The following SLC7A9 variants were observed in gnomAD, a reference collection of about 807,000 sequenced individuals.
SLC7A9 encodes the protein solute carrier family 7 member 9, also known as B(0,+)-type amino acid transporter 1.
A neutral mutation model predicts 54.1 loss-of-function variants in SLC7A9; 38 were observed. The observed-to-expected ratio is 0.70, with a 90% CI of 0.54 to 0.92. The LOEUF is 0.92. Among genes scored for constraint, SLC7A9 ranks in the 40% least tolerant of loss-of-function variants. The pLI, the probability that SLC7A9 is intolerant of heterozygous loss-of-function variation, is 0.00. For synonymous variants in SLC7A9, 264 were observed against 258.9 expected (o/e 1.02, Z -0.19); for missense variants, 537 against 636.1 (o/e 0.84, Z 1.68).
intron 2 of SLC7A9, among the ~76,000 whole-genome samples, chr19:32,865,931 C>G (rs1968953758): frequency 6.8e-6 from 1 of 147,246 alleles, no homozygotes; most frequent in Non-Finnish European, 1.5e-5. Flanking sequence ...TACAATCACT[C>G]CAGCCTGGGT....
chr19:32,863,156 G>C (rs1189536574), intron 4 of SLC7A9: 1 of 152,612 alleles, frequency 6.6e-6, no homozygotes, highest in Non-Finnish European at 1.5e-5. Context: ...CTGTCGTCCA[G>C]GCTGGAGTGC....
intron 9 of SLC7A9, among the ~76,000 whole-genome samples, chr19:32,848,316 G>T (rs957988319): frequency 2.0e-5 from 3 of 152,150 alleles, no homozygotes; most frequent in Admixed American, 6.6e-5. Flanking sequence ...GACACTCATA[G>T]GCTCAAAATA....
chr19:32,860,313 T>G, intron 7 of SLC7A9: 1 of 1,384,150 alleles, frequency 7.2e-7, no homozygotes. Flanking sequence ...TCCCAGCACT[T>G]TGGGAGGCCG....
chr19:32,845,249 CT>C (rs1182838498), intron 9 of SLC7A9, among the ~76,000 whole-genome samples: 1 of 152,154 alleles, frequency 6.6e-6, no homozygotes, highest in African/African-American at 2.4e-5. Context: ...ACTCCCAGCA[CT>C]TTGGGAGGCC....
At chr19:32,860,775 T>G in intron 6 of SLC7A9, 125 bp from the exon 7 acceptor site, 6 of 1,332,890 alleles carry the variant, frequency 4.5e-6, no homozygotes, top group East Asian at 5.0e-5. Flanking sequence ...CCTGCAGGAA[T>G]TCCAGGTGAA....
intron 11 of SLC7A9, 97 bp from the exon 12 acceptor site, chr19:32,833,420 C>A (rs1967865992): frequency 1.0e-6 from 1 of 983,894 alleles, no homozygotes; most frequent in African/African-American, 1.6e-5. Flanking sequence ...ACTCCATGTA[C>A]CCCCTCCTCC....
At position 32,837,069 on chromosome 19, in the gene SLC7A9, T is replaced by C. The variant is rs1333025955; in HGVS notation, c.1225-3746A>G. On this transcript the variant is annotated intron_variant, in intron 11 of 12. Coordinates refer to ENST00000023064, the MANE Select transcript of SLC7A9 (RefSeq NM_014270.5). ...CATATAATGATAAGTCTGGTCTCCA[T>C]TCTCTCGTGTTGTTTTATCTTTCTG... 2.6e-5 allele frequency among the ~76,000 whole-genome samples: 4 copies of C among 152,190 alleles called. 1 individual carries two copies. Among genetic ancestry groups the C allele is most frequent in the African/African-American group, 9.7e-5 (4 of 41,446 alleles).
intron 10 of SLC7A9, among the ~76,000 whole-genome samples, chr19:32,843,453 T>C (rs1968185936): frequency 6.6e-6 from 1 of 151,182 alleles, no homozygotes; most frequent in Non-Finnish European, 1.5e-5. Flanking sequence ...AGAGCAAGAC[T>C]CCGTATCAAA....
chr19:32,844,899 T>C (rs912125577), intron 9 of SLC7A9, among the ~76,000 whole-genome samples: 5 of 123,710 alleles, frequency 4.0e-5, no homozygotes, highest in Non-Finnish European at 6.9e-5. Context: ...ATGTGATGGC[T>C]TACACCTGTA....
chr19:32,856,834 A>G (rs1254531534), intron 9 of SLC7A9, among the ~76,000 whole-genome samples: 1 of 152,052 alleles, frequency 6.6e-6, no homozygotes, highest in Non-Finnish European at 1.5e-5. Context: ...GCCTCAGCCC[A>G]TATAAGCAAT....
At chr19:32,837,559 A>T (rs1967998498) in intron 11 of SLC7A9, among the ~76,000 whole-genome samples, 1 of 151,976 alleles carries the variant, frequency 6.6e-6, no homozygotes, top group Non-Finnish European at 1.5e-5. Flanking sequence ...AAATGTGCAT[A>T]TAAATAACAT....
chr19:32,840,874 G>C (rs752218575), intron 11 of SLC7A9, among the ~76,000 whole-genome samples: 15 of 152,184 alleles, frequency 9.9e-5, no homozygotes, highest in Non-Finnish European at 2.1e-4. Flanking sequence ...TCCACTTAGA[G>C]TCTGGAGTTG....
At chr19:32,838,570 ACATAT>A (rs910643646) in intron 11 of SLC7A9, among the ~76,000 whole-genome samples, 153 of 148,200 alleles carry the variant, frequency 1.0e-3, no homozygotes, top group Admixed American at 2.6e-3. Context: ...ATGTATATAT[ACATAT>A]CATGTGTATA....
chr19:32,852,965 G>A (rs1291963732), intron 9 of SLC7A9, among the ~76,000 whole-genome samples: 1 of 144,524 alleles, frequency 6.9e-6, no homozygotes, highest in African/African-American at 2.6e-5. Flanking sequence ...CCAGGCTGGA[G>A]TGCAATGGTG....
In SLC7A9 at chr19:32,859,846, C is replaced by T; in HGVS notation, c.868G>A (p.Ala290Thr). 1 of 1,613,826 alleles carries T rather than the reference C, an allele frequency of 6.2e-7. No individual in the cohort carries two copies. The highest frequency in any genetic ancestry group is 8.5e-7 in the Non-Finnish European group (1 of 1,179,704). Residue 290 changes from alanine to threonine, a missense_variant, in exon 8 of 13, where the codon GCT (alanine) becomes ACT (threonine). Coordinates refer to ENST00000023064, the MANE Select transcript of SLC7A9 (RefSeq NM_014270.5). ...AGCGATGCCCGGGCACTCACCACAG[C>T]CACCGCCTGGGACTGCAGGAGTTCG... ...ATELLQSQAV[A>T]VTFGDRVLYP... is the part of the protein sequence containing the mutation.
At chr19:32,846,104 G>A (rs868774664) in intron 9 of SLC7A9, among the ~76,000 whole-genome samples, 16 of 152,180 alleles carry the variant, frequency 1.1e-4, no homozygotes, top group South Asian at 6.2e-4. Flanking sequence ...CGCAGAAGAC[G>A]GGTGATTTCT....
At chr19:32,851,536 G>A (rs952297186) in intron 9 of SLC7A9, among the ~76,000 whole-genome samples, 1 of 150,644 alleles carries the variant, frequency 6.6e-6, no homozygotes, top group Admixed American at 6.6e-5. Context: ...TGCTGGAGAG[G>A]ATGTGGAGAA....
intron 11 of SLC7A9, among the ~76,000 whole-genome samples, chr19:32,838,857 TAC>T (rs1968048048): frequency 6.7e-6 from 1 of 150,052 alleles, no homozygotes; most frequent in African/African-American, 2.4e-5. Context: ...ACATATATAG[TAC>T]ACATATATGT....
rs1968741630 is a variant in SLC7A9, at chr19:32,859,836, CT to C, written c.873+4del. 6.2e-7 allele frequency: 1 copy of C among 1,612,658 alleles called. No individual in the cohort carries two copies. The highest frequency in any genetic ancestry group is 8.5e-7 in the Non-Finnish European group (1 of 1,178,776). ...CCCCGCCAGCAGCGATGCCCGGGCA[CT>C]CACCACAGCCACCGCCTGGGACTGC... is the stretch of plus-strand genomic sequence containing the variant. On this transcript the variant is annotated splice_donor_region_variant and intron_variant, in intron 8 of 12. Coordinates refer to ENST00000023064, the MANE Select transcript of SLC7A9 (RefSeq NM_014270.5).
Sources: gnomAD v4.1 joint callset for allele counts (sites outside exome capture counted in the v4.1 genomes callset) on GRCh38, gnomAD v4.1.1 for gene constraint, MANE v1.5 for transcripts, NCBI Gene and HGNC (gene_info 2026-07-23, HGNC 2026-07-21) for gene names.